The following ALCAM variants were observed in gnomAD, a reference collection of about 807,000 sequenced individuals.
ALCAM encodes CD166 antigen.
ALCAM carries 30 observed loss-of-function variants against 70.9 expected under a neutral mutation model. The observed-to-expected ratio is 0.42, with a 90% CI of 0.32 to 0.57. The LOEUF is 0.57. Among genes scored for constraint, ALCAM ranks in the 20% least tolerant of loss-of-function variants. ALCAM has a pLI of 0.11. For synonymous variants in ALCAM, 249 were observed against 242.5 expected (o/e 1.03, Z -0.25); for missense variants, 591 against 695.1 (o/e 0.85, Z 1.68).
intron 6 of ALCAM, among the ~76,000 whole-genome samples, chr3:105,539,055 A>G (rs887882733): frequency 1.7e-4 from 26 of 152,134 alleles, no homozygotes. Context: ...GATAATTTTT[A>G]GTGCCACCAG....
At chr3:105,556,715 G>A (rs759024057) in intron 14 of ALCAM, among the ~76,000 whole-genome samples, 2 of 151,798 alleles carry the variant, frequency 1.3e-5, no homozygotes, top group East Asian at 3.9e-4. Context: ...TATGGAACAC[G>A]ATCTTGCAAA....
intron 1 of ALCAM, among the ~76,000 whole-genome samples, chr3:105,449,292 T>G (rs951167743): frequency 6.6e-6 from 1 of 152,178 alleles, no homozygotes; most frequent in African/African-American, 2.4e-5. Flanking sequence ...TTTAGTGAAT[T>G]TTTTCACAGT....
At chr3:105,367,916 C>G (rs561350772) in intron 1 of ALCAM, among the ~76,000 whole-genome samples, 18 of 152,124 alleles carry the variant, frequency 1.2e-4, no homozygotes, top group African/African-American at 4.3e-4. Flanking sequence ...CGTGATAAAT[C>G]CCCTAGTAAC....
In ALCAM at chr3:105,367,463, G is replaced by C. The variant is rs770058864; in HGVS notation, c.55G>C (p.Ala19Pro). 69 of 1,613,860 alleles carry C rather than the reference G, an allele frequency of 4.3e-5. No homozygotes were observed. Among genetic ancestry groups the C allele is most frequent in the Non-Finnish European group, 5.7e-5 (67 of 1,179,928 alleles). Residue 19 changes from alanine to proline, a missense_variant, in exon 1 of 16, where the codon GCC becomes CCC. Physicochemically the swap from Ala to Pro is conservative, Grantham distance 27. Transcript: ENST00000306107. ...TCTGCTCTTCTGCCTCTTGATCTCC[G>C]CCACCGTCTTCAGGCCAGGTGAGCA... ...CRLLFCLLIS[A>P]TVFRPGLGWY...
chr3:105,452,981 C>T (rs976899841), intron 1 of ALCAM, among the ~76,000 whole-genome samples: 4 of 152,132 alleles, frequency 2.6e-5, no homozygotes, highest in African/African-American at 4.8e-5. Flanking sequence ...AGACCTTTGT[C>T]AGGTGGGTAG....
intron 1 of ALCAM, among the ~76,000 whole-genome samples, chr3:105,502,142 T>C (rs1938938613): frequency 2.0e-5 from 3 of 152,214 alleles, no homozygotes; most frequent in African/African-American, 7.2e-5. Flanking sequence ...TTTTCTCATA[T>C]TGGAGAATCT....
chr3:105,515,848 AT>A (rs1184708474), intron 1 of ALCAM, among the ~76,000 whole-genome samples: 1 of 152,098 alleles, frequency 6.6e-6, no homozygotes, highest in African/African-American at 2.4e-5. Context: ...TAGTAAAAAA[AT>A]ATGAAAGTAA....
chr3:105,416,710 G>A (rs369076922), intron 1 of ALCAM, among the ~76,000 whole-genome samples: 4 of 151,782 alleles, frequency 2.6e-5, no homozygotes, highest in Admixed American at 6.6e-5. Flanking sequence ...ATGCATTGCC[G>A]TATTCTTAAG....
rs79341967 is a variant in ALCAM at position 105,473,593 on chromosome 3, G to A, written c.74-46474G>A. Among the ~76,000 whole-genome samples the A allele has an allele frequency of 5.6e-3, 846 of 151,644 alleles. 7 individuals are homozygous for A. The highest frequency in any genetic ancestry group is 0.02 in the African/African-American group (816 of 41,454). On this transcript the variant is annotated intron_variant, in intron 1 of 15. Coordinates refer to ENST00000306107, the MANE Select transcript of ALCAM (RefSeq NM_001627.4). ...TGGATAAGAATTACTCAAGTATTAT[G>A]ACAGGTTTCATACAATGTGCATGAC...
At chr3:105,451,322 G>C (rs1343149606) in intron 1 of ALCAM, among the ~76,000 whole-genome samples, 1 of 149,282 alleles carries the variant, frequency 6.7e-6, no homozygotes, top group Non-Finnish European at 1.5e-5. Flanking sequence ...AGAGAGGGAG[G>C]AAAGGAGGGA....
intron 1 of ALCAM, among the ~76,000 whole-genome samples, chr3:105,398,762 G>C (rs1013832285): frequency 6.6e-6 from 1 of 151,910 alleles, no homozygotes; most frequent in Non-Finnish European, 1.5e-5. Flanking sequence ...AAAGAAGCTG[G>C]TAATATTTAC....
At position 105,547,274 on chromosome 3, in the gene ALCAM, C is replaced by T. The variant is rs1409162376; in HGVS notation, c.1230C>T (p.Leu410=). The T allele has an allele frequency of 2.5e-6, 4 of 1,593,170 alleles. No individual in the cohort carries two copies. Among genetic ancestry groups the T allele is most frequent in the South Asian group, 2.3e-5 (2 of 87,132 alleles). The change falls in exon 10 of 16, where the codon CTC becomes CTT. Residue 410 remains leucine (L), a synonymous_variant. Transcript: ENST00000306107. ...TAAAGAAAAGAGAGTCATTGACTCT[C>T]ATTGTAGAAGGTAATAAAATACTTG... ...EGLKKRESLT[L]IVEGKPQIKM...
At chr3:105,496,861 C>CGTGT in intron 1 of ALCAM, among the ~76,000 whole-genome samples, 1 of 137,246 alleles carries the variant, frequency 7.3e-6, no homozygotes, top group East Asian at 2.0e-4. Flanking sequence ...TGTGTGCATG[C>CGTGT]GTGTGTGTGT....
intron 1 of ALCAM, among the ~76,000 whole-genome samples, chr3:105,421,891 A>G (rs373303025): frequency 6.4e-4 from 97 of 150,794 alleles, no homozygotes; most frequent in African/African-American, 2.1e-3. Context: ...TTTTTTTTAC[A>G]TGGGTGAGTT....
At chr3:105,478,692 T>C (rs1938187859) in intron 1 of ALCAM, among the ~76,000 whole-genome samples, 1 of 152,172 alleles carries the variant, frequency 6.6e-6, no homozygotes, top group Non-Finnish European at 1.5e-5. Context: ...ATAAGAGCTT[T>C]TCTAGTCATT....
chr3:105,415,184 G>T (rs962180525), intron 1 of ALCAM, among the ~76,000 whole-genome samples: 3 of 152,060 alleles, frequency 2.0e-5, no homozygotes, highest in African/African-American at 7.2e-5. Flanking sequence ...CTCCAGGAAA[G>T]GTACCTCAAT....
intron 6 of ALCAM, among the ~76,000 whole-genome samples, chr3:105,538,952 G>A (rs992771340): frequency 1.2e-4 from 18 of 151,988 alleles, no homozygotes; most frequent in African/African-American, 4.3e-4. Flanking sequence ...CTATAGAAAG[G>A]TAAATAAATG....
At chr3:105,451,027 G>A (rs1411804854) in intron 1 of ALCAM, among the ~76,000 whole-genome samples, 1 of 151,778 alleles carries the variant, frequency 6.6e-6, no homozygotes, top group Non-Finnish European at 1.5e-5. Flanking sequence ...GTGTAAAACA[G>A]GAAAGGCAGA....
At chr3:105,426,431 A>C (rs1936792766) in intron 1 of ALCAM, among the ~76,000 whole-genome samples, 1 of 151,926 alleles carries the variant, frequency 6.6e-6, no homozygotes, top group African/African-American at 2.4e-5. Context: ...TAAATGTATA[A>C]ATTTTGTAAT....
Sources: allele counts gnomAD v4.1 joint callset (sites outside exome capture counted in the v4.1 genomes callset), GRCh38; gene constraint gnomAD v4.1.1; transcripts MANE v1.5; gene names NCBI Gene and HGNC (gene_info 2026-07-23, HGNC 2026-07-21).